EXOC6: variants seen among roughly 807,000 people sequenced by gnomAD.
The protein encoded by EXOC6 is exocyst complex component 6.
A neutral mutation model predicts 112.5 loss-of-function variants in EXOC6; 60 were observed. The observed-to-expected ratio is 0.53, with a 90% CI of 0.43 to 0.66. The LOEUF is 0.66. Ranked by LOEUF, EXOC6 falls within the 30% of genes least tolerant of loss-of-function variation. The pLI is 0.00. For missense variants in EXOC6, 855 were observed against 957.1 expected, an observed-to-expected ratio of 0.89 and a Z score of 1.41; for synonymous variants, 295 against 308.0, an observed-to-expected ratio of 0.96 and a Z score of 0.44.
intron 5 of EXOC6, among the ~76,000 whole-genome samples, chr10:92,907,835 A>G (rs904782497): frequency 1.4e-4 from 21 of 152,222 alleles, no homozygotes; most frequent in African/African-American, 4.3e-4. Context: ...TTGTAATGAC[A>G]TCTCTCCTAC....
At chr10:92,981,302 C>T (rs1203459823) in intron 18 of EXOC6, among the ~76,000 whole-genome samples, 2 of 152,170 alleles carry the variant, frequency 1.3e-5, no homozygotes, top group African/African-American at 4.8e-5. Flanking sequence ...AACTCAGTAA[C>T]GTTTTACTGT....
At chr10:92,967,835 G>A (rs1207422074) in intron 17 of EXOC6, among the ~76,000 whole-genome samples, 1 of 152,172 alleles carries the variant, frequency 6.6e-6, no homozygotes, top group African/African-American at 2.4e-5. Flanking sequence ...GAGGTTTAGG[G>A]TTCTCTTATC....
chr10:92,991,435 CA>C (rs1449664701), intron 18 of EXOC6, among the ~76,000 whole-genome samples: 1,729 of 48,788 alleles, frequency 0.035, 18 homozygotes, highest in African/African-American at 0.1. Context: ...GACTCCATCT[CA>C]AAAAAAAAAA....
At chr10:92,955,542 T>C (rs1189082548) in intron 16 of EXOC6, 38 bp from the exon 17 acceptor site, 3 of 1,557,016 alleles carry the variant, frequency 1.9e-6, no homozygotes, top group Middle Eastern at 2.2e-4. Context: ...TACATACATG[T>C]AACCTGTATT....
At chr10:93,016,886 C>T (rs1198847856) in intron 20 of EXOC6, among the ~76,000 whole-genome samples, 5 of 151,478 alleles carry the variant, frequency 3.3e-5, no homozygotes, top group South Asian at 4.2e-4. Flanking sequence ...GATCTTGGCT[C>T]ACTGCAAACT....
rs145038002 is a variant in EXOC6 at position 92,839,244 on chromosome 10, C to T, written c.86+4420C>T. On this transcript the variant is annotated intron_variant, in intron 1 of 21. Coordinates refer to the EXOC6 transcript ENST00000371552. ...GATGTTCTCATTCTGTTTAGGTTTC[C>T]TGATTTTCACTGTAGCCTCTCCATC... 7.1e-3 allele frequency among the ~76,000 whole-genome samples: 1,087 copies of T among 152,208 alleles called. 10 individuals are homozygous for T. Among genetic ancestry groups the T allele is most frequent in the Admixed American group, 0.019 (288 of 15,282 alleles).
chr10:93,047,015 A>G (rs146433181), intron 20 of EXOC6, among the ~76,000 whole-genome samples: 100 of 152,334 alleles, frequency 6.6e-4, no homozygotes, highest in African/African-American at 2.3e-3. Flanking sequence ...ATGTCATGTT[A>G]AGGAACTTGA....
At chr10:92,904,603 T>G (rs1309976366) in intron 5 of EXOC6, among the ~76,000 whole-genome samples, 1 of 152,068 alleles carries the variant, frequency 6.6e-6, no homozygotes, top group Non-Finnish European at 1.5e-5. Flanking sequence ...GGTGTCCAAG[T>G]CTTTTGATCA....
chr10:93,049,222 T>A (rs1275291751), intron 20 of EXOC6, among the ~76,000 whole-genome samples: 1 of 152,122 alleles, frequency 6.6e-6, no homozygotes, highest in Admixed American at 6.5e-5. Flanking sequence ...CATGCCCGGC[T>A]AATTTTTTAT....
intron 6 of EXOC6, among the ~76,000 whole-genome samples, chr10:92,912,778 A>G (rs1850861578): frequency 6.6e-6 from 1 of 152,164 alleles, no homozygotes; most frequent in African/African-American, 2.4e-5. Flanking sequence ...AGAAATTCTC[A>G]GAAGGGAGTA....
chr10:92,864,401 G>C (rs915991393), intron 1 of EXOC6, among the ~76,000 whole-genome samples: 4 of 152,170 alleles, frequency 2.6e-5, no homozygotes, highest in African/African-American at 9.7e-5. Context: ...ACAAACACTT[G>C]ACTCTAGAGC....
At chr10:92,873,566 A>G (rs1408344844) in intron 1 of EXOC6, among the ~76,000 whole-genome samples, 1 of 152,218 alleles carries the variant, frequency 6.6e-6, no homozygotes, top group Admixed American at 6.5e-5. Context: ...ATATTAAAGT[A>G]TATCAATTCT....
chr10:93,039,932 C>T (rs1459127893), intron 20 of EXOC6, among the ~76,000 whole-genome samples: 1 of 152,214 alleles, frequency 6.6e-6, no homozygotes, highest in Non-Finnish European at 1.5e-5. Context: ...AGGATGCATT[C>T]TTTCATGGCT....
At chr10:92,848,692 C>G in intron 1 of EXOC6, 58 bp downstream of exon 1, 3 of 1,241,122 alleles carry the variant, frequency 2.4e-6, no homozygotes, top group Non-Finnish European at 3.1e-6. Context: ...CCGCTCCTCA[C>G]GAGCCGGGCG....
At chr10:92,956,453 T>C (rs78773891) in intron 17 of EXOC6, among the ~76,000 whole-genome samples, 425 of 152,276 alleles carry the variant, frequency 2.8e-3, no homozygotes, top group African/African-American at 9.3e-3. Context: ...TGTTATATTA[T>C]CAATCACCCC....
chr10:92,892,171 G>A (rs1475412608), intron 1 of EXOC6, among the ~76,000 whole-genome samples: 3 of 152,128 alleles, frequency 2.0e-5, no homozygotes, highest in Admixed American at 2.0e-4. Context: ...GCAAAATTCA[G>A]CAAAGTTGTT....
chr10:93,044,216 G>A (rs560324282), intron 20 of EXOC6, among the ~76,000 whole-genome samples: 17 of 152,200 alleles, frequency 1.1e-4, no homozygotes, highest in Middle Eastern at 3.4e-3. Context: ...CATGTTTGTC[G>A]CGCAAATTAT....
intron 2 of EXOC6, among the ~76,000 whole-genome samples, chr10:92,893,911 T>C (rs1401519008): frequency 2.0e-5 from 3 of 152,230 alleles, no homozygotes; most frequent in Non-Finnish European, 4.4e-5. Flanking sequence ...TATTTAATAA[T>C]GTTAAAACTT....
intron 12 of EXOC6, among the ~76,000 whole-genome samples, chr10:92,940,472 A>T (rs1318196523): frequency 6.6e-6 from 1 of 152,166 alleles, no homozygotes; most frequent in Non-Finnish European, 1.5e-5. Flanking sequence ...TTTAAGGCTA[A>T]CACTGTAATC....
Sources: allele counts gnomAD v4.1 joint callset (sites outside exome capture counted in the v4.1 genomes callset), GRCh38; gene constraint gnomAD v4.1.1; transcripts MANE v1.5; gene names NCBI Gene and HGNC (gene_info 2026-07-23, HGNC 2026-07-21).